The following MAST3 variants were observed in gnomAD, a reference collection of about 807,000 sequenced individuals.
MAST3 encodes the protein microtubule associated serine/threonine kinase 3, also known as microtubule-associated serine/threonine-protein kinase 3.
A neutral mutation model predicts 127.0 loss-of-function variants in MAST3; 43 were observed. The observed-to-expected ratio is 0.34, with a 90% CI of 0.27 to 0.44. The LOEUF (loss-of-function observed/expected upper bound fraction) is 0.44, where lower values mean the gene tolerates loss of function less well. Ranked by LOEUF, MAST3 falls within the 20% of genes least tolerant of loss-of-function variation. The pLI, the probability that MAST3 is intolerant of heterozygous loss-of-function variation, is 1.00. For missense variants in MAST3, 1,390 were observed against 1,919.1 expected, an observed-to-expected ratio of 0.72 and a Z score of 5.15; for synonymous variants, 785 against 809.2, an observed-to-expected ratio of 0.97 and a Z score of 0.51.
chr19:18,138,125 G>A (rs1421336900), intron 19 of MAST3, among the ~76,000 whole-genome samples: 1 of 151,242 alleles, frequency 6.6e-6, no homozygotes, highest in Non-Finnish European at 1.5e-5. Flanking sequence ...CACGAGAATT[G>A]CTTGAACCCA....
rs780974405 is a variant in MAST3 at position 18,124,156 on chromosome 19, G to GTT, written c.843+12_843+13dup. 2.1e-5 allele frequency: 33 copies of GTT among 1,605,974 alleles called. No homozygotes were observed. Among genetic ancestry groups the GTT allele is most frequent in the Non-Finnish European group, 2.5e-5 (30 of 1,176,580 alleles). The stretch of plus-strand genomic sequence containing the variant: ...GAGCGGCTTCTGCAGGATGTGCGTG[G>GTT]TTTTTCGCATGTTGAGGTTTTGCAT... On this transcript the variant is annotated intron_variant, in intron 9 of 27. Coordinates refer to ENST00000687212, the MANE Select transcript of MAST3 (RefSeq NM_001393504.1).
In MAST3 at chr19:18,145,633, C is replaced by A; in HGVS notation, c.3040-110C>A. 7.7e-7 allele frequency: 1 copy of A among 1,300,002 alleles called. No homozygotes were observed. Among genetic ancestry groups the A allele is most frequent in the Non-Finnish European group, 1.0e-6 (1 of 973,528 alleles). The allele number at this position is 1,300,002 out of a possible 1,614,324, so 80.5% of individuals were successfully genotyped here. On this transcript the variant is annotated intron_variant, in intron 24 of 27. Coordinates refer to ENST00000687212, the MANE Select transcript of MAST3 (RefSeq NM_001393504.1). This position sits in a 1 kb window ranked among gnomAD's most constrained non-coding sequence, Gnocchi z 5.9. ...TCCCCCAGGATCAGGGAAACTGAGA[C>A]AGCACAAGAGGCAGCAGCTTGCTGG...
At position 18,149,374 on chromosome 19, in the gene MAST3, C is replaced by T; in HGVS notation, c.3692C>T (p.Pro1231Leu). 1 of 1,491,436 alleles carries T rather than the reference C, an allele frequency of 6.7e-7. No homozygotes were observed. Among genetic ancestry groups the T allele is most frequent in the Non-Finnish European group, 8.9e-7 (1 of 1,124,470 alleles). 92.4% of individuals were successfully genotyped at this position (1,491,436 alleles called of 1,614,324 possible). Reference protein sequence around the residue: ...SIPPSPLACPPISAPPPRSPS... With the variant: ...SIPPSPLACPLISAPPPRSPS... ...CCGCCCTCCCCGCTGGCCTGCCCGC[C>T]CATCTCCGCGCCCCCACCCCGCTCG... The change falls in exon 28 of 28, where the codon CCC becomes CTC. Residue 1231 changes from proline (P) to leucine (L), a missense_variant. Transcript: ENST00000687212. The surrounding 1 kb of genome is among the most constrained non-coding windows in gnomAD (Gnocchi z 5.9).
chr19:18,108,682 T>C (rs891998131), intron 2 of MAST3, among the ~76,000 whole-genome samples: 2 of 152,196 alleles, frequency 1.3e-5, no homozygotes, highest in Admixed American at 1.3e-4. Flanking sequence ...TTACCATTTT[T>C]TATCCCCAAA....
intron 3 of MAST3, among the ~76,000 whole-genome samples, chr19:18,115,532 C>T (rs569460572): frequency 1.3e-5 from 2 of 152,136 alleles, no homozygotes; most frequent in African/African-American, 4.8e-5. Context: ...ATCTGCACCC[C>T]GCATGAGGCT....
intron 1 of MAST3, among the ~76,000 whole-genome samples, chr19:18,101,598 T>C (rs1410445116): frequency 6.6e-6 from 1 of 152,162 alleles, no homozygotes; most frequent in Non-Finnish European, 1.5e-5. Flanking sequence ...CCCTTAGCTC[T>C]CCTCTCTGTG....
At chr19:18,130,799 C>A in intron 14 of MAST3, 97 bp downstream of exon 14, 1 of 1,222,650 alleles carries the variant, frequency 8.2e-7, no homozygotes. Context: ...CTGTTCTGTC[C>A]TCCATGAGGT....
chr19:18,145,089 C>T lies in MAST3; in HGVS notation c.2899C>T (p.Arg967Ter), dbSNP rs1866160563. 1.2e-6 allele frequency: 2 copies of T among 1,613,550 alleles called. No homozygotes were observed. Among genetic ancestry groups the T allele is most frequent in the East Asian group, 2.2e-5 (1 of 44,864 alleles). Residue 967 changes from arginine to a stop codon, truncating the protein, a stop_gained, in exon 24 of 28, where the codon CGA becomes TGA. Coordinates refer to ENST00000687212, the MANE Select transcript of MAST3 (RefSeq NM_001393504.1). LOFTEE classifies it high-confidence loss of function. This position sits in a 1 kb window ranked among gnomAD's most constrained non-coding sequence, Gnocchi z 5.9. ...NPSSRDSSPS[R>*]DPSPVCGSLR... ...GTCGTCCCGTGACTCTTCGCCGAGC[C>T]GAGACCCGTCCCCCGTGTGTGGCAG...
intron 17 of MAST3, 141 bp from the exon 18 acceptor site, chr19:18,135,599 A>C (rs1599836474): frequency 1.6e-6 from 1 of 639,094 alleles, no homozygotes; most frequent in African/African-American, 1.8e-5. Flanking sequence ...GTCAGTGGGT[A>C]CCAAGCCTGC....
At position 18,134,895 on chromosome 19, in the gene MAST3, A is replaced by G; in HGVS notation, c.1783A>G (p.Met595Val). Reference sequence around the variant, plus strand: ...TGGGAAGCCAGTGGACTGGTGGGCCATGGGCGTCGTCCTCTATGAGTTTCT... The same window carrying G: ...TGGGAAGCCAGTGGACTGGTGGGCCGTGGGCGTCGTCCTCTATGAGTTTCT... The part of the protein sequence containing the change: ...GYGKPVDWWA[M>V]GVVLYEFLVG... Residue 595 changes from methionine (M) to valine (V), a missense_variant, in exon 17 of 28, where the codon ATG (methionine) becomes GTG (valine). Physicochemically the swap from Met to Val is conservative, Grantham distance 21 (BLOSUM62 1). Around this residue, in one of 5 missense-constraint regions of MAST3, gnomAD observed 191 missense variants for 409.0 expected, o/e 0.47. Coordinates refer to ENST00000687212, the MANE Select transcript of MAST3 (RefSeq NM_001393504.1). 2 of 1,613,998 alleles carry G rather than the reference A, an allele frequency of 1.2e-6. No individual in the cohort carries two copies. Among genetic ancestry groups the G allele is most frequent in the Non-Finnish European group, 1.7e-6 (2 of 1,179,940 alleles).
At chr19:18,126,476 T>C (rs575706601) in intron 11 of MAST3, among the ~76,000 whole-genome samples, 6 of 152,216 alleles carry the variant, frequency 3.9e-5, no homozygotes, top group Non-Finnish European at 7.4e-5. Context: ...ACTGTCCCCA[T>C]TGAAAGCTGG....
Position 18,121,749 on chromosome 19 carries a change from C to T in MAST3, c.226C>T (p.Leu76=). The T allele has an allele frequency of 6.2e-7, 1 of 1,614,048 alleles. No individual in the cohort carries two copies. The highest frequency in any genetic ancestry group is 8.5e-7 in the Non-Finnish European group (1 of 1,179,902). ...GTPSPTLSRP[L]SPLSVPTGSS... ...GCCCTCCCCGACCCTCTCCCGGCCC[C>T]TGTCGCCATTGTCGGTCCCAACGGG... The change falls in exon 4 of 28, where the codon CTG becomes TTG. Residue 76 remains leucine, a synonymous_variant. Transcript: ENST00000687212.
chr19:18,098,999 T>G, intron 1 of MAST3: 1 of 314,534 alleles, frequency 3.2e-6, no homozygotes, highest in East Asian at 7.9e-5. Context: ...GGCGAGGCAT[T>G]GCAGCGGGGG....
At chr19:18,098,599 CG>C (rs535438702) in intron 1 of MAST3, among the ~76,000 whole-genome samples, 122 of 152,126 alleles carry the variant, frequency 8.0e-4, no homozygotes, top group African/African-American at 2.8e-3. Context: ...TACATGACCC[CG>C]GGCAGCCACC....
intron 13 of MAST3, chr19:18,129,265 C>T (rs1599789214): frequency 3.0e-6 from 1 of 338,766 alleles, no homozygotes; most frequent in South Asian, 4.0e-5. Context: ...TATTTAGGTG[C>T]TGCTTTGAAT....
Position 18,141,171 on chromosome 19 carries a change from C to G in MAST3, c.2206-711C>G, listed in dbSNP as rs138716424. Among the ~76,000 whole-genome samples the G allele has an allele frequency of 2.6e-5, 4 of 152,232 alleles. No homozygotes were observed. The East Asian group carries it at 7.7e-4, about 29-fold the overall frequency. On this transcript the variant is annotated intron_variant, in intron 20 of 27. Transcript: ENST00000687212. ...TATGATCTGATCAAAAAATGCTCCA[C>G]TCTGCTTTAGGCCTGGGCCCCAGGC... is the stretch of plus-strand genomic sequence containing the variant.
intron 21 of MAST3, 47 bp from the exon 22 acceptor site, chr19:18,143,716 G>C (rs766034301): frequency 6.2e-7 from 1 of 1,608,010 alleles, no homozygotes; most frequent in South Asian, 1.1e-5. Flanking sequence ...GAGTATCCTG[G>C]GGTGCAGGTG....
rs1187563218 is a variant in MAST3 at position 18,124,749 on chromosome 19, G to A, written c.1053G>A (p.Leu351=). Residue 351 remains leucine (L), a synonymous_variant, in exon 11 of 28, where the codon CTG becomes CTA. Coordinates refer to ENST00000687212, the MANE Select transcript of MAST3 (RefSeq NM_001393504.1). ...TDLPQYIIGQ[L]GLAKDPLEEM... is the part of the protein sequence containing the mutation. ...TTCCACAGTACATCATTGGGCAGCT[G>A]GGCCTGGCCAAGGACCCCCTGGAGG... 1 of 1,603,192 alleles carries A rather than the reference G, an allele frequency of 6.2e-7. No individual in the cohort carries two copies. The highest frequency in any genetic ancestry group is 1.3e-5 in the African/African-American group (1 of 74,504).
At chr19:18,139,605 A>G (rs74180867) in intron 20 of MAST3, among the ~76,000 whole-genome samples, 4 of 149,772 alleles carry the variant, frequency 2.7e-5, no homozygotes, top group East Asian at 2.0e-4. Context: ...GATTACAGGC[A>G]TGAGCCACCA....
Sources: allele counts gnomAD v4.1 joint callset (sites outside exome capture counted in the v4.1 genomes callset), GRCh38; gene constraint gnomAD v4.1.1; regional missense constraint gnomAD v4.1.1; non-coding constraint Gnocchi (gnomAD v3.1); transcripts MANE v1.5; gene names NCBI Gene and HGNC (gene_info 2026-07-23, HGNC 2026-07-21).